The following JAK2 variants were observed in gnomAD, a reference collection of about 807,000 sequenced individuals.
JAK2 encodes the protein Janus kinase 2.
Under a neutral mutation model 139.3 loss-of-function variants are expected in JAK2, and 86 were observed. That is an observed-to-expected ratio of 0.62 (90% CI 0.52 to 0.74). The LOEUF (loss-of-function observed/expected upper bound fraction) is 0.74. Among genes scored for constraint, JAK2 ranks in the 30% least tolerant of loss-of-function variants. The pLI is 0.00. For missense variants in JAK2, 1,421 were observed against 1,360.3 expected (o/e 1.04, Z -0.70); for synonymous variants, 490 against 437.7 (o/e 1.12, Z -1.49).
chr9:5,062,651 TGATA>T (rs1449799975), intron 8 of JAK2, among the ~76,000 whole-genome samples: 1 of 152,130 alleles, frequency 6.6e-6, no homozygotes, highest in African/African-American at 2.4e-5. Flanking sequence ...TTTACAACTT[TGATA>T]GATTATTAAA....
chr9:5,099,919 A>G (rs1008492271), intron 22 of JAK2: 2 of 152,170 alleles, frequency 1.3e-5, no homozygotes, highest in Non-Finnish European at 2.9e-5. Flanking sequence ...CTTTAAAACG[A>G]AAAACTCCTT....
chr9:5,069,859 C>T (rs953716238), intron 11 of JAK2, 66 bp from the exon 12 acceptor site: 89 of 1,049,748 alleles, frequency 8.5e-5, no homozygotes, highest in Non-Finnish European at 1.1e-4. Flanking sequence ...TCATTTTACT[C>T]CTCTTTGGAG....
chr9:5,062,500 TAAAAAAAAAAA>T (rs58424625), intron 8 of JAK2, among the ~76,000 whole-genome samples: 9 of 58,248 alleles, frequency 1.5e-4, no homozygotes, highest in African/African-American at 6.3e-4. Context: ...CTTCCATTTG[TAAAAAAAAAAA>T]AAAAAAAAAA....
intron 22 of JAK2, chr9:5,111,325 C>G (rs911812169): frequency 4.5e-6 from 2 of 443,028 alleles, no homozygotes; most frequent in Non-Finnish European, 8.7e-6. Flanking sequence ...GGACCCCTGT[C>G]CCCCTCAGGC....
At chr9:5,021,889 C>A in intron 2 of JAK2, 74 bp from the exon 3 acceptor site, 1 of 834,046 alleles carries the variant, frequency 1.2e-6, no homozygotes, top group Admixed American at 2.4e-5. Flanking sequence ...CGCCTCGGCC[C>A]CGCAAAGTGC....
At chr9:5,088,132 AC>A (rs1820276965) in intron 19 of JAK2, among the ~76,000 whole-genome samples, 2 of 152,064 alleles carry the variant, frequency 1.3e-5, no homozygotes, top group African/African-American at 4.8e-5. Context: ...AGGATGAAAA[AC>A]CTCATTTTAG....
chr9:4,984,395 C>G (rs528199735), upstream of JAK2: 11 of 152,438 alleles, frequency 7.2e-5, no homozygotes, highest in African/African-American at 2.2e-4. Flanking sequence ...TCTCCACCCT[C>G]TCCCGGGCTA....
intron 14 of JAK2, among the ~76,000 whole-genome samples, chr9:5,074,135 A>T (rs1205786045): frequency 1.3e-5 from 2 of 152,180 alleles, no homozygotes; most frequent in Non-Finnish European, 2.9e-5. Flanking sequence ...AATTATGAAG[A>T]CAAAGCATAT....
rs2130591839 is a variant in JAK2, at chr9:5,078,436, C to A, written c.2123C>A (p.Pro708Gln). 1.9e-6 allele frequency: 3 copies of A among 1,611,936 alleles called. No individual in the cohort carries two copies. The highest frequency in any genetic ancestry group is 2.5e-6 in the Non-Finnish European group (3 of 1,178,706). ...CCTGGCATTAGTATTACAGTTTTGC[C>A]AAAGGACAGTAAGTTCTAGAAGGAT... ...SDPGISITVL[P>Q]KDILQERIPW... Residue 708 changes from proline (P) to glutamine (Q), a missense_variant, in exon 16 of 25, where the codon CCA becomes CAA. By Grantham distance (76) the Pro-to-Gln change is moderately conservative (BLOSUM62 -1). Transcript: ENST00000381652.
At chr9:5,049,408 G>A (rs1406006855) in intron 5 of JAK2, among the ~76,000 whole-genome samples, 1 of 152,142 alleles carries the variant, frequency 6.6e-6, no homozygotes, top group African/African-American at 2.4e-5. Context: ...CATATCTGGT[G>A]CTTTTGTGTG....
intron 2 of JAK2, among the ~76,000 whole-genome samples, chr9:5,001,504 T>C (rs112468916): frequency 5.3e-5 from 8 of 152,176 alleles, no homozygotes; most frequent in Non-Finnish European, 1.0e-4. Context: ...CATTTTCAAA[T>C]GTCAAAGCAA....
intron 22 of JAK2, among the ~76,000 whole-genome samples, chr9:5,106,775 C>A (rs12340894): frequency 0.24 from 36,800 of 152,082 alleles, 4,885 homozygotes; most frequent in South Asian, 0.3. Context: ...TGGAAACCAT[C>A]ATTCTCAGCA....
chr9:5,041,215 G>A lies in JAK2; in HGVS notation c.351-3188G>A, dbSNP rs577142559. On this transcript the variant is annotated intron_variant, in intron 4 of 24. Coordinates refer to ENST00000381652, the MANE Select transcript of JAK2 (RefSeq NM_004972.4). ...AGGACGTGAAGCCCGAGAACTTCCT[G>A]GTGGGGCGCCCGGGGACCAAGCGGC... is the stretch of plus-strand genomic sequence containing the variant. The A allele has an allele frequency of 8.3e-5, 122 of 1,467,548 alleles. No homozygotes were observed. In the South Asian group the frequency reaches 1.3e-3, roughly 16 times the overall value. 90.9% of individuals were successfully genotyped at this position (1,467,548 alleles called of 1,614,324 possible).
chr9:5,042,421 G>A (rs1038535706), intron 4 of JAK2, among the ~76,000 whole-genome samples: 9 of 152,160 alleles, frequency 5.9e-5, no homozygotes, highest in Admixed American at 3.3e-4. Flanking sequence ...ACAGGCGTGA[G>A]CCACCGCGCC....
intron 4 of JAK2, among the ~76,000 whole-genome samples, chr9:5,034,839 G>A (rs918712958): frequency 2.0e-5 from 3 of 152,076 alleles, no homozygotes; most frequent in African/African-American, 7.2e-5. Flanking sequence ...AGAAAACCAA[G>A]AGCAAACACA....
chr9:4,993,647 C>T (rs1016911181), intron 2 of JAK2, among the ~76,000 whole-genome samples: 1 of 152,140 alleles, frequency 6.6e-6, no homozygotes, highest in Non-Finnish European at 1.5e-5. Context: ...GCTTGAAGTC[C>T]TCACTGACAG....
chr9:5,121,382 C>G (rs1218862133), intron 22 of JAK2, among the ~76,000 whole-genome samples: 5 of 152,190 alleles, frequency 3.3e-5, no homozygotes, highest in African/African-American at 1.2e-4. Context: ...CTATTTGCCA[C>G]ATACGTAGTT....
intron 3 of JAK2, among the ~76,000 whole-genome samples, chr9:5,027,986 T>C (rs1822887613): frequency 1.3e-5 from 2 of 152,206 alleles, no homozygotes; most frequent in Non-Finnish European, 2.9e-5. Context: ...CAAACTCCTG[T>C]TAATGTTGAC....
At chr9:5,078,491 G>A (rs2130592666) in intron 16 of JAK2, 47 bp downstream of exon 16, 2 of 1,493,412 alleles carry the variant, frequency 1.3e-6, no homozygotes, top group Non-Finnish European at 9.2e-7. Flanking sequence ...CTTTACTTGG[G>A]CAGTGGTGTA....
Sources: allele counts gnomAD v4.1 joint callset (sites outside exome capture counted in the v4.1 genomes callset), GRCh38; gene constraint gnomAD v4.1.1; transcripts MANE v1.5; gene names NCBI Gene and HGNC (gene_info 2026-07-23, HGNC 2026-07-21).